GLMN: variants seen among roughly 807,000 people sequenced by gnomAD.
GLMN encodes the protein glomulin.
A neutral mutation model predicts 87.8 loss-of-function variants in GLMN; 75 were observed. The ratio of observed to expected loss-of-function variants is 0.85; its 90% CI spans 0.71 to 1.04. GLMN has a LOEUF of 1.04. GLMN is among the 50% of genes least tolerant of loss of function. GLMN has a pLI of 0.00. For missense variants in GLMN, 588 were observed against 658.8 expected (o/e 0.89, Z 1.18); for synonymous variants, 206 against 221.6 (o/e 0.93, Z 0.63).
intron 16 of GLMN, 72 bp from the exon 17 acceptor site, chr1:92,248,061 C>T (rs1302001326): frequency 8.0e-6 from 6 of 752,546 alleles, no homozygotes; most frequent in Non-Finnish European, 1.4e-5. Context: ...GCGATAAAAG[C>T]TCAAAAAACA....
chr1:92,271,475 T>G lies in GLMN; in HGVS notation c.913A>C (p.Met305Leu), dbSNP rs150323288. 6.2e-7 allele frequency: 1 copy of G among 1,611,282 alleles called. No individual in the cohort carries two copies. Among genetic ancestry groups the G allele is most frequent in the Admixed American group, 1.7e-5 (1 of 59,982 alleles). The change falls in exon 8 of 19, where the codon ATG becomes CTG. Residue 305 changes from methionine (M) to leucine (L), a missense_variant. Coordinates refer to ENST00000370360, the MANE Select transcript of GLMN (RefSeq NM_053274.3). ...AACACTAACTCTTACCTTAAGACCA[T>G]TGGAAGCTGATCAATATGGATGCCC... ...VQGIHIDQLPMVLSPLYLLQF... is the reference protein window; with the variant it reads ...VQGIHIDQLPLVLSPLYLLQF...
At chr1:92,316,881 T>G in the GLMN span, among the ~76,000 whole-genome samples, 1 of 152,194 alleles carries the variant, frequency 6.6e-6, no homozygotes, top group African/African-American at 2.4e-5. Flanking sequence ...TTTATTTCAG[T>G]GTCAGGTACC....
At chr1:92,342,196 A>T in the GLMN span, among the ~76,000 whole-genome samples, 1 of 152,338 alleles carries the variant, frequency 6.6e-6, no homozygotes, top group Non-Finnish European at 1.5e-5. Context: ...AGGCTGGTTA[A>T]GGAAGACTTC....
At chr1:92,270,871 AAAG>A (rs1190397148) in intron 8 of GLMN, among the ~76,000 whole-genome samples, 1 of 152,152 alleles carries the variant, frequency 6.6e-6, no homozygotes, top group Non-Finnish European at 1.5e-5. Context: ...ACTAGAAACA[AAAG>A]AAGGTCTGTG....
At chr1:92,269,671 G>T in intron 9 of GLMN, 52 bp downstream of exon 9, 1 of 1,139,538 alleles carries the variant, frequency 8.8e-7, no homozygotes, top group South Asian at 1.2e-5. Flanking sequence ...TCTTAACAAG[G>T]ACTATTTTAA....
At chr1:92,253,394 C>G (rs1393597840) in intron 16 of GLMN, among the ~76,000 whole-genome samples, 1 of 152,226 alleles carries the variant, frequency 6.6e-6, no homozygotes, top group Non-Finnish European at 1.5e-5. Context: ...CAGCAGATCT[C>G]TCAGCACAGC....
chr1:92,266,647 T>C, intron 12 of GLMN, 53 bp downstream of exon 12: 1 of 1,331,098 alleles, frequency 7.5e-7, no homozygotes, highest in Admixed American at 1.9e-5. Flanking sequence ...AAATTATTTG[T>C]CAAATTTTCT....
chr1:92,350,675 C>T, the GLMN span, among the ~76,000 whole-genome samples: 259 of 152,348 alleles, frequency 1.7e-3, 7 homozygotes, highest in East Asian at 0.045. Flanking sequence ...TGCAGTGGCT[C>T]ATGCCTGTAA....
the GLMN span, among the ~76,000 whole-genome samples, chr1:92,331,069 A>C: frequency 6.6e-6 from 1 of 152,152 alleles, no homozygotes. Flanking sequence ...AAAATCTCTC[A>C]CCTTAATTGT....
At chr1:92,357,120 CAA>C in the GLMN span, among the ~76,000 whole-genome samples, 10 of 149,642 alleles carry the variant, frequency 6.7e-5, no homozygotes, top group South Asian at 1.7e-3. Flanking sequence ...CACACACACA[CAA>C]ACAGATGTTT....
chr1:92,352,223 T>C, the GLMN span, among the ~76,000 whole-genome samples: 1 of 152,230 alleles, frequency 6.6e-6, no homozygotes, highest in Non-Finnish European at 1.5e-5. Flanking sequence ...TTATTCTCTC[T>C]AAAAGCTTTG....
chr1:92,288,996 T>C lies in GLMN; in HGVS notation c.550A>G (p.Thr184Ala). 3 of 1,613,012 alleles carry C rather than the reference T, an allele frequency of 1.9e-6. No individual in the cohort carries two copies. The highest frequency in any genetic ancestry group is 2.5e-6 in the Non-Finnish European group (3 of 1,178,986). Reference sequence around the variant, plus strand: ...ATGACTTCTTCCACAAAAGGCTTAGTGAACTCTATTAAGGCCTTGCAACAC... The same window carrying C: ...ATGACTTCTTCCACAAAAGGCTTAGCGAACTCTATTAAGGCCTTGCAACAC... ...CQCCKALIEFTKPFVEEVIDN... is the reference protein window; with the variant it reads ...CQCCKALIEFAKPFVEEVIDN... Residue 184 changes from threonine to alanine, a missense_variant, in exon 6 of 19, where the codon ACT becomes GCT. Transcript: ENST00000370360.
the GLMN span, among the ~76,000 whole-genome samples, chr1:92,342,724 G>A: frequency 6.6e-6 from 1 of 152,116 alleles, no homozygotes; most frequent in Non-Finnish European, 1.5e-5. Flanking sequence ...TTTTGAAGGT[G>A]GAATCATTAG....
chr1:92,320,186 A>G, the GLMN span, among the ~76,000 whole-genome samples: 1 of 152,168 alleles, frequency 6.6e-6, no homozygotes, highest in Non-Finnish European at 1.5e-5. Context: ...ATTTGAACTT[A>G]ACCCTGAAAA....
intron 16 of GLMN, among the ~76,000 whole-genome samples, chr1:92,251,550 A>G (rs1653498025): frequency 6.6e-6 from 1 of 152,172 alleles, no homozygotes; most frequent in Non-Finnish European, 1.5e-5. Flanking sequence ...CTTAGAACCC[A>G]TAAATAATGA....
chr1:92,289,175 C>T (rs1420729204), intron 5 of GLMN, 24 bp from the exon 6 acceptor site: 1 of 1,333,490 alleles, frequency 7.5e-7, no homozygotes, highest in Admixed American at 1.7e-5. Context: ...CAAGTTGTCG[C>T]TCATCAAGTA....
At chr1:92,288,689 A>G (rs1649058254) in intron 6 of GLMN, among the ~76,000 whole-genome samples, 1 of 152,274 alleles carries the variant, frequency 6.6e-6, no homozygotes, top group East Asian at 1.9e-4. Context: ...TCAGTCTCCC[A>G]AAGTGATGGG....
chr1:92,263,556 T>C (rs1304202534), intron 15 of GLMN, 67 bp downstream of exon 15: 12 of 799,158 alleles, frequency 1.5e-5, no homozygotes, highest in Non-Finnish European at 2.8e-5. Context: ...TACTTTAGGT[T>C]CCCTAAGCAG....
At chr1:92,256,270 A>G (rs1024490177) in intron 16 of GLMN, among the ~76,000 whole-genome samples, 5 of 151,988 alleles carry the variant, frequency 3.3e-5, no homozygotes, top group African/African-American at 1.2e-4. Flanking sequence ...ATAGCCTACA[A>G]TAAAAAAAAA....
Sources: gnomAD v4.1 joint callset for allele counts (sites outside exome capture counted in the v4.1 genomes callset) on GRCh38, gnomAD v4.1.1 for gene constraint, MANE v1.5 for transcripts, NCBI Gene and HGNC (gene_info 2026-07-23, HGNC 2026-07-21) for gene names.